PRKCE: variants seen among roughly 807,000 people sequenced by gnomAD.
PRKCE encodes the protein protein kinase C epsilon type.
A neutral mutation model predicts 85.4 loss-of-function variants in PRKCE; 16 were observed. That is an observed-to-expected ratio of 0.19 (90% CI 0.13 to 0.28). The LOEUF is 0.28. PRKCE is among the 10% of genes least tolerant of loss of function. PRKCE has a pLI of 1.00. For missense variants in PRKCE, 573 were observed against 975.2 expected (o/e 0.59, Z 5.49); for synonymous variants, 388 against 371.5 (o/e 1.04, Z -0.51).
At chr2:45,654,197 TATCCATA>T (rs1675276073) in intron 1 of PRKCE, among the ~76,000 whole-genome samples, 1 of 152,254 alleles carries the variant, frequency 6.6e-6, no homozygotes, top group South Asian at 2.1e-4. Flanking sequence ...GGTCTGCATT[TATCCATA>T]GAACAGATGT....
intron 14 of PRKCE, among the ~76,000 whole-genome samples, chr2:46,163,124 C>T (rs1558518469): frequency 6.6e-6 from 1 of 152,376 alleles, no homozygotes; most frequent in Admixed American, 6.5e-5. Context: ...GCCTGCCTAG[C>T]TCAGGTACCA....
chr2:46,021,163 G>A (rs536411559), intron 10 of PRKCE, among the ~76,000 whole-genome samples: 118 of 152,320 alleles, frequency 7.7e-4, no homozygotes, highest in Non-Finnish European at 1.4e-3. Flanking sequence ...CTGATTTAGC[G>A]AGTGTAATGA....
chr2:46,184,882 G>A lies in PRKCE; in HGVS notation c.*1G>A. Reference sequence around the variant, plus strand: ...CTTTGGTGAAGACCTGATGCCCTGAGAGCCCACTGCAGTTGGACTTTGCCG... The same window carrying A: ...CTTTGGTGAAGACCTGATGCCCTGAAAGCCCACTGCAGTTGGACTTTGCCG... On this transcript the variant is annotated 3_prime_UTR_variant, in exon 15 of 15. Transcript: ENST00000306156. This position sits in a 1 kb window ranked among gnomAD's most constrained non-coding sequence, Gnocchi z 5.0. The A allele has an allele frequency of 6.3e-7, 1 of 1,599,760 alleles. No individual in the cohort carries two copies. The highest frequency in any genetic ancestry group is 8.5e-7 in the Non-Finnish European group (1 of 1,179,944).
chr2:45,939,222 T>C (rs2595191), intron 2 of PRKCE, among the ~76,000 whole-genome samples: 25,952 of 152,186 alleles, frequency 0.17, 3,107 homozygotes, highest in East Asian at 0.64. Flanking sequence ...AGAAATTTGA[T>C]ACAAGTGCCA....
intron 11 of PRKCE, among the ~76,000 whole-genome samples, chr2:46,111,548 A>G (rs1432618856): frequency 6.6e-6 from 1 of 152,118 alleles, no homozygotes; most frequent in Non-Finnish European, 1.5e-5. Flanking sequence ...GTTTCCTTTT[A>G]GATTTGCCTG....
At chr2:46,007,253 T>C (rs1705285344) in intron 8 of PRKCE, among the ~76,000 whole-genome samples, 1 of 152,208 alleles carries the variant, frequency 6.6e-6, no homozygotes, top group South Asian at 2.1e-4. Context: ...CTCCTCCTCT[T>C]TGCATACCTA....
chr2:45,996,314 A>G (rs866902456), intron 6 of PRKCE, among the ~76,000 whole-genome samples: 1 of 152,124 alleles, frequency 6.6e-6, no homozygotes, highest in East Asian at 1.9e-4. Flanking sequence ...AGATAGTTTT[A>G]TAGTTTTATT....
intron 1 of PRKCE, among the ~76,000 whole-genome samples, chr2:45,773,344 C>T (rs954413314): frequency 6.6e-5 from 10 of 152,050 alleles, no homozygotes; most frequent in South Asian, 4.1e-4. Flanking sequence ...TGATGATGGC[C>T]GAAGTAGTGA....
At chr2:45,910,467 A>T (rs1017774925) in intron 2 of PRKCE, among the ~76,000 whole-genome samples, 1 of 152,202 alleles carries the variant, frequency 6.6e-6, no homozygotes, top group Non-Finnish European at 1.5e-5. Context: ...GAGTTGCACG[A>T]TAGAAAGGAT....
rs1677114979 is a variant in PRKCE, at chr2:46,155,583, AG to A, written c.1921-4019del. On this transcript the variant is annotated intron_variant, in intron 13 of 14. Coordinates refer to ENST00000306156, the MANE Select transcript of PRKCE (RefSeq NM_005400.3). This position sits in a 1 kb window ranked among gnomAD's most constrained non-coding sequence, Gnocchi z 4.7. ...ACTCACTTTCTCCCTTCAGCTGGCC[AG>A]GGGTCCCTCACATTCAGTATACTCC... Among the ~76,000 whole-genome samples the A allele has an allele frequency of 6.6e-6, 1 of 152,218 alleles. No individual in the cohort carries two copies. Among genetic ancestry groups the A allele is most frequent in the Non-Finnish European group, 1.5e-5 (1 of 68,014 alleles).
chr2:45,745,433 T>C (rs1683062857), intron 1 of PRKCE, among the ~76,000 whole-genome samples: 2 of 152,100 alleles, frequency 1.3e-5, no homozygotes, highest in Admixed American at 6.6e-5. Context: ...CTCAACAACA[T>C]TTCGTCCCCT....
chr2:45,987,918 G>A (rs1402552326), intron 6 of PRKCE, among the ~76,000 whole-genome samples: 1 of 152,214 alleles, frequency 6.6e-6, no homozygotes, highest in Non-Finnish European at 1.5e-5. Flanking sequence ...CAAGGCAGGG[G>A]CTGCTTGTGC....
At chr2:46,083,908 G>C (rs1317603839) in intron 10 of PRKCE, among the ~76,000 whole-genome samples, 1 of 152,242 alleles carries the variant, frequency 6.6e-6, no homozygotes, top group Admixed American at 6.5e-5. Flanking sequence ...GCAGAAACCA[G>C]ATGGAGGAGA....
chr2:46,030,896 T>C (rs1312523697), intron 10 of PRKCE, among the ~76,000 whole-genome samples: 1 of 152,214 alleles, frequency 6.6e-6, no homozygotes, highest in East Asian at 1.9e-4. Context: ...CAGTTTTCGT[T>C]ACGTGTTTCC....
At position 45,880,258 on chromosome 2, in the gene PRKCE, A is replaced by C. The variant is rs539817221; in HGVS notation, c.412+37195A>C. Among the ~76,000 whole-genome samples the C allele has an allele frequency of 8.5e-5, 13 of 152,338 alleles. No homozygotes were observed. In the East Asian group the frequency reaches 2.5e-3, roughly 29 times the overall value. On this transcript the variant is annotated intron_variant, in intron 2 of 14. Transcript: ENST00000306156. Reference sequence around the variant, plus strand: ...TGTATGCACCACATTTTCTTTGTCCATTAATCTGTTATCAGACACCTTGGT... The same window carrying C: ...TGTATGCACCACATTTTCTTTGTCCCTTAATCTGTTATCAGACACCTTGGT...
chr2:45,969,494 C>T (rs142827802), intron 2 of PRKCE, among the ~76,000 whole-genome samples: 8 of 152,238 alleles, frequency 5.3e-5, no homozygotes, highest in Non-Finnish European at 7.4e-5. Flanking sequence ...CAGAGGTGAA[C>T]GGGCATGGAT....
At chr2:45,914,682 A>C (rs910609579) in intron 2 of PRKCE, among the ~76,000 whole-genome samples, 1 of 152,210 alleles carries the variant, frequency 6.6e-6, no homozygotes, top group Non-Finnish European at 1.5e-5. Flanking sequence ...TCAATGAACC[A>C]TAATCTGATT....
intron 1 of PRKCE, among the ~76,000 whole-genome samples, chr2:45,841,191 A>T (rs1307347155): frequency 6.6e-6 from 1 of 152,224 alleles, no homozygotes; most frequent in East Asian, 1.9e-4. Context: ...AATCAATAGG[A>T]TATATGTATA....
intron 1 of PRKCE, among the ~76,000 whole-genome samples, chr2:45,745,924 T>C (rs1374272149): frequency 6.6e-6 from 1 of 152,262 alleles, no homozygotes; most frequent in Non-Finnish European, 1.5e-5. Context: ...TAGGTCATTA[T>C]AGATGTCGTC....
Sources: gnomAD v4.1 joint callset for allele counts (sites outside exome capture counted in the v4.1 genomes callset) on GRCh38, gnomAD v4.1.1 for gene constraint, Gnocchi (gnomAD v3.1) non-coding constraint, MANE v1.5 for transcripts, NCBI Gene and HGNC (gene_info 2026-07-23, HGNC 2026-07-21) for gene names.